HOOK1: variants seen among roughly 807,000 people sequenced by gnomAD.
The protein encoded by HOOK1 is hook microtubule tethering protein 1.
A neutral mutation model predicts 112.8 loss-of-function variants in HOOK1; 60 were observed. That is an observed-to-expected ratio of 0.53 (90% CI 0.43 to 0.66). The LOEUF is 0.66. Among genes scored for constraint, HOOK1 ranks in the 30% least tolerant of loss-of-function variants. The pLI is 0.00. For missense variants in HOOK1, 770 were observed against 856.0 expected, an observed-to-expected ratio of 0.90 and a Z score of 1.25; for synonymous variants, 294 against 283.8, an observed-to-expected ratio of 1.04 and a Z score of -0.36.
At chr1:59,819,607 T>C (rs2098384142) in intron 1 of HOOK1, among the ~76,000 whole-genome samples, 1 of 152,198 alleles carries the variant, frequency 6.6e-6, no homozygotes, top group South Asian at 2.1e-4. Context: ...GGGAAATTGA[T>C]TTTAATCTGA....
chr1:59,864,821 A>G, intron 17 of HOOK1, 155 bp downstream of exon 17: 1 of 597,430 alleles, frequency 1.7e-6, no homozygotes, highest in Non-Finnish European at 3.0e-6. Context: ...CTAAAGATTC[A>G]GCCTCCCTAC....
intron 21 of HOOK1, 93 bp downstream of exon 21, chr1:59,871,203 T>C (rs1644050550): frequency 1.2e-6 from 1 of 801,518 alleles, no homozygotes; most frequent in Non-Finnish European, 2.1e-6. Context: ...TATTTTATCT[T>C]ATACCATAAA....
rs1353391015 is a variant in HOOK1 at position 59,873,489 on chromosome 1, G to A, written c.*524G>A. The stretch of plus-strand genomic sequence containing the variant: ...CTGTCCCCTAATTCTTCCATTGAAT[G>A]TGTACCTCTACCTTGTCATGTCATG... On this transcript the variant is annotated 3_prime_UTR_variant, in exon 22 of 22. Transcript: ENST00000371208. The A allele has an allele frequency of 6.6e-6, 1 of 151,684 alleles. No individual in the cohort carries two copies. The highest frequency in any genetic ancestry group is 1.5e-5 in the Non-Finnish European group (1 of 67,922). 9.4% of individuals were successfully genotyped at this position (151,684 alleles called of 1,614,324 possible).
At chr1:59,858,348 G>C (rs2098411766) in intron 12 of HOOK1, 80 bp from the exon 13 acceptor site, 1 of 897,496 alleles carries the variant, frequency 1.1e-6, no homozygotes. Context: ...TATTAAACTA[G>C]TTAAGATAAA....
intron 1 of HOOK1, among the ~76,000 whole-genome samples, chr1:59,820,161 AAT>A (rs549859728): frequency 1.1e-4 from 17 of 152,314 alleles, no homozygotes; most frequent in African/African-American, 3.8e-4. Flanking sequence ...TTTCTTATTT[AAT>A]ATGTCTAGAG....
chr1:59,868,232 A>G lies in HOOK1; in HGVS notation c.1846-18A>G, dbSNP rs534674434. ...CTTTAAAATATAAAGTGAACATAGT[A>G]TTTTTTTCTTTAAACAGGTAATAAA... On this transcript the variant is annotated intron_variant, in intron 19 of 21. Coordinates refer to ENST00000371208, the MANE Select transcript of HOOK1 (RefSeq NM_015888.6). 43 of 1,309,582 alleles carry G rather than the reference A, an allele frequency of 3.3e-5. No individual in the cohort carries two copies. In the East Asian group the frequency reaches 8.8e-4, roughly 27 times the overall value. The allele number at this position is 1,309,582 out of a possible 1,614,324, so 81.1% of individuals were successfully genotyped here.
chr1:59,868,575 C>G (rs1644006335), intron 20 of HOOK1, among the ~76,000 whole-genome samples: 1 of 152,218 alleles, frequency 6.6e-6, no homozygotes, highest in Non-Finnish European at 1.5e-5. Context: ...TGTAGCTCTT[C>G]TTGTCAATAA....
At chr1:59,815,350 A>T (rs2098380478) in intron 1 of HOOK1, 170 bp downstream of exon 1, 4 of 634,506 alleles carry the variant, frequency 6.3e-6, no homozygotes, top group Non-Finnish European at 1.1e-5. Flanking sequence ...GTCGACGGGC[A>T]GGTGTGTGGG....
At chr1:59,861,478 A>G (rs1157238142) in intron 15 of HOOK1, among the ~76,000 whole-genome samples, 1 of 152,180 alleles carries the variant, frequency 6.6e-6, no homozygotes, top group Non-Finnish European at 1.5e-5. Context: ...TGATGTGCTT[A>G]TGTGGTATCA....
rs151098270 is a variant in HOOK1 at position 59,852,758 on chromosome 1, A to AT, written c.1242+3583dup. On this transcript the variant is annotated intron_variant, in intron 12 of 21. Transcript: ENST00000371208. ...AGTTATTGATTTGGAATTTTTCTTGATTTTTTTTAATATAGATACAGCTGT... is the reference window on the plus strand; with the variant it reads ...AGTTATTGATTTGGAATTTTTCTTGATTTTTTTTTAATATAGATACAGCTGT... Among the ~76,000 whole-genome samples the AT allele has an allele frequency of 8.2e-3, 1,229 of 150,626 alleles. 8 individuals are homozygous for AT. Among genetic ancestry groups the AT allele is most frequent in the African/African-American group, 0.017 (687 of 41,136 alleles).
intron 1 of HOOK1, among the ~76,000 whole-genome samples, chr1:59,819,173 G>A (rs1217404832): frequency 2.7e-5 from 3 of 111,552 alleles, no homozygotes; most frequent in East Asian, 2.6e-4. Flanking sequence ...TTTTTGAGGC[G>A]AAGTCTCACT....
rs1449783505 is a variant in HOOK1 at position 59,832,288 on chromosome 1, G to GT, written c.273+81dup. ...TACTTTAAGACTGAAAAATCACTTGGTTTTTTGTTTATAATATTTTACTGG... is the reference window on the plus strand; with the variant it reads ...TACTTTAAGACTGAAAAATCACTTGGTTTTTTTGTTTATAATATTTTACTGG... On this transcript the variant is annotated intron_variant, in intron 4 of 21. Coordinates refer to ENST00000371208, the MANE Select transcript of HOOK1 (RefSeq NM_015888.6). 8.2e-6 allele frequency: 7 copies of GT among 857,148 alleles called. No homozygotes were observed. In the Middle Eastern group the frequency reaches 1.2e-3, roughly 144 times the overall value. 53.1% of individuals were successfully genotyped at this position (857,148 alleles called of 1,614,324 possible).
chr1:59,823,289 C>T (rs765163091), intron 2 of HOOK1, among the ~76,000 whole-genome samples: 7 of 152,204 alleles, frequency 4.6e-5, no homozygotes, highest in Non-Finnish European at 8.8e-5. Flanking sequence ...CACTGCACTC[C>T]AGCCTGGGTG....
At chr1:59,844,771 G>A (rs949516578) in intron 9 of HOOK1, among the ~76,000 whole-genome samples, 11 of 151,794 alleles carry the variant, frequency 7.2e-5, no homozygotes, top group African/African-American at 2.2e-4. Flanking sequence ...TAGAAGTCTT[G>A]TATGTCTTTT....
rs371890224 is a variant in HOOK1 at position 59,832,335 on chromosome 1, A to G, written c.273+122A>G. On this transcript the variant is annotated intron_variant, in intron 4 of 21. Coordinates refer to ENST00000371208, the MANE Select transcript of HOOK1 (RefSeq NM_015888.6). The stretch of plus-strand genomic sequence containing the variant: ...CTGGAATGTAAGTCATAATTAGAAC[A>G]TGTTTTATTGTCATTTTTATAGAAT... The G allele has an allele frequency of 1.6e-4, 102 of 629,634 alleles. 1 individual carries two copies. The highest frequency in any genetic ancestry group is 8.0e-4 in the South Asian group (40 of 50,300). 39.0% of individuals were successfully genotyped at this position (629,634 alleles called of 1,614,324 possible).
intron 3 of HOOK1, 138 bp downstream of exon 3, chr1:59,828,990 C>G (rs1469887445): frequency 3.2e-6 from 2 of 618,930 alleles, no homozygotes; most frequent in East Asian, 5.7e-5. Flanking sequence ...CATGTATTCT[C>G]TCATGTAACT....
In HOOK1 at chr1:59,873,060, A is replaced by C. The variant is rs952812777; in HGVS notation, c.*95A>C. 3 of 996,362 alleles carry C rather than the reference A, an allele frequency of 3.0e-6. No homozygotes were observed. In the African/African-American group the frequency reaches 5.0e-5, roughly 17 times the overall value. The allele number at this position is 996,362 out of a possible 1,614,324, so 61.7% of individuals were successfully genotyped here. On this transcript the variant is annotated 3_prime_UTR_variant, in exon 22 of 22. Coordinates refer to ENST00000371208, the MANE Select transcript of HOOK1 (RefSeq NM_015888.6). ...TTTCAACTAACTACCAGATTGAAAAAGAGTTTATGATGCGGGATATCAGGT... is the reference window on the plus strand; with the variant it reads ...TTTCAACTAACTACCAGATTGAAAACGAGTTTATGATGCGGGATATCAGGT...
intron 15 of HOOK1, among the ~76,000 whole-genome samples, chr1:59,862,411 G>A (rs1373912483): frequency 6.6e-6 from 1 of 152,090 alleles, no homozygotes; most frequent in Non-Finnish European, 1.5e-5. Flanking sequence ...CCAATACGCT[G>A]TGAAATCTGA....
At chr1:59,845,633 C>G (rs1461245833) in intron 9 of HOOK1, among the ~76,000 whole-genome samples, 1 of 151,120 alleles carries the variant, frequency 6.6e-6, no homozygotes, top group East Asian at 1.9e-4. Flanking sequence ...TTTTCTGCAT[C>G]TTGAAAAGAT....
Sources: gnomAD v4.1 joint callset for allele counts (sites outside exome capture counted in the v4.1 genomes callset) on GRCh38, gnomAD v4.1.1 for gene constraint, MANE v1.5 for transcripts, NCBI Gene and HGNC (gene_info 2026-07-23, HGNC 2026-07-21) for gene names.